ITFG1: variants seen among roughly 807,000 people sequenced by gnomAD.
The protein encoded by ITFG1 is T-cell immunomodulatory protein.
In ITFG1, 34 loss-of-function variants were observed where a neutral mutation model predicts 81.8. The ratio of observed to expected loss-of-function variants is 0.42; its 90% CI spans 0.32 to 0.55. ITFG1 has a LOEUF of 0.55. Ranked by LOEUF, ITFG1 falls within the 20% of genes least tolerant of loss-of-function variation. ITFG1 has a pLI of 0.17. For missense variants in ITFG1, 672 were observed against 755.4 expected (o/e 0.89, Z 1.29); for synonymous variants, 285 against 270.6 (o/e 1.05, Z -0.52).
chr16:47,159,006 G>A lies in ITFG1; in HGVS notation c.1662-16C>T. 3 of 1,303,550 alleles carry A rather than the reference G, an allele frequency of 2.3e-6. No homozygotes were observed. The highest frequency in any genetic ancestry group is 2.5e-5 in the East Asian group (1 of 39,344). The allele number at this position is 1,303,550 out of a possible 1,614,324, so 80.7% of individuals were successfully genotyped here. ...GGCACTCCAACTGTAGATAAAAACA[G>A]AACAAATTAAAATTACAAATTTTAT... On this transcript the variant is annotated splice_polypyrimidine_tract_variant and intron_variant, in intron 16 of 17. Transcript: ENST00000320640.
rs147726556 is a variant in ITFG1 at position 47,452,744 on chromosome 16, T to C, written c.474A>G (p.Pro158=). The change falls in exon 4 of 18, where the codon CCA becomes CCG. Residue 158 remains proline, a synonymous_variant. Transcript: ENST00000320640. ...AAGCCCATACTTACTCCATAATTAGTGGCTCATCTTGAAAAGTCCTATTGA... is the reference window on the plus strand; with the variant it reads ...AAGCCCATACTTACTCCATAATTAGCGGCTCATCTTGAAAAGTCCTATTGA... The part of the protein sequence containing the change: ...TILNRTFQDE[P]LIMDFNGDLI... The C allele has an allele frequency of 3.6e-5, 57 of 1,587,788 alleles. No individual in the cohort carries two copies. The highest frequency in any genetic ancestry group is 4.9e-5 in the Non-Finnish European group (57 of 1,163,094).
intron 6 of ITFG1, among the ~76,000 whole-genome samples, chr16:47,387,809 G>A (rs1968481334): frequency 6.6e-6 from 1 of 151,920 alleles, no homozygotes; most frequent in South Asian, 2.1e-4. Flanking sequence ...GACCCATAAA[G>A]AAACAGGAAA....
chr16:47,402,088 C>A (rs1388107760), intron 6 of ITFG1, among the ~76,000 whole-genome samples: 3 of 152,292 alleles, frequency 2.0e-5, no homozygotes, highest in Admixed American at 6.5e-5. Flanking sequence ...AGGCACATGA[C>A]AACTGTGCAT....
chr16:47,278,484 T>C (rs1485912185), intron 10 of ITFG1, among the ~76,000 whole-genome samples: 1 of 152,132 alleles, frequency 6.6e-6, no homozygotes, highest in Non-Finnish European at 1.5e-5. Context: ...TGGTAGAGCA[T>C]TATGCACAAG....
In ITFG1 at chr16:47,319,302, G is replaced by C. The variant is rs571654890; in HGVS notation, c.803-5479C>G. ...CCAAAATTCAAATTTTTGCTTGAAA[G>C]CTCAAATTTTATCACTGCTACTGAA... On this transcript the variant is annotated intron_variant, in intron 8 of 17. Coordinates refer to ENST00000320640, the MANE Select transcript of ITFG1 (RefSeq NM_030790.5). Among the ~76,000 whole-genome samples the C allele has an allele frequency of 2.6e-4, 40 of 152,276 alleles. 1 individual carries two copies. The South Asian group carries it at 8.3e-3, about 32-fold the overall frequency.
At position 47,351,795 on chromosome 16, in the gene ITFG1, T is replaced by A. The variant is rs1249263311; in HGVS notation, c.802+13993A>T. On this transcript the variant is annotated intron_variant, in intron 8 of 17. Transcript: ENST00000320640. ...AAGAAGAAAGGTGGAGGCATCACGC[T>A]ACCTGACTTCAAACTATACTACAAG... 2.0e-5 allele frequency among the ~76,000 whole-genome samples: 3 copies of A among 152,282 alleles called. No individual in the cohort carries two copies. In the East Asian group the frequency reaches 5.8e-4, roughly 29 times the overall value.
At chr16:47,413,347 G>A (rs1968834375) in intron 6 of ITFG1, among the ~76,000 whole-genome samples, 2 of 152,196 alleles carry the variant, frequency 1.3e-5, no homozygotes, top group South Asian at 4.1e-4. Context: ...CCTTACAAGA[G>A]TTCTTTAAGG....
At chr16:47,369,409 AG>A (rs1204888917) in intron 7 of ITFG1, among the ~76,000 whole-genome samples, 1 of 152,196 alleles carries the variant, frequency 6.6e-6, no homozygotes, top group Non-Finnish European at 1.5e-5. Flanking sequence ...GTCTACTTGC[AG>A]GGTTCTGGAG....
At chr16:47,165,985 C>CT (rs1184764289) in intron 14 of ITFG1, among the ~76,000 whole-genome samples, 1 of 152,170 alleles carries the variant, frequency 6.6e-6, no homozygotes, top group Non-Finnish European at 1.5e-5. Context: ...AAAAGTTAAC[C>CT]TGAAAAAGTA....
chr16:47,448,496 AC>A (rs2151617577), intron 5 of ITFG1: 2 of 152,272 alleles, frequency 1.3e-5, no homozygotes, highest in Admixed American at 1.3e-4. Context: ...TGTGATGTAA[AC>A]AGTGTACGGC....
At chr16:47,271,202 T>A (rs1966335574) in intron 10 of ITFG1, among the ~76,000 whole-genome samples, 1 of 152,054 alleles carries the variant, frequency 6.6e-6, no homozygotes, top group Admixed American at 6.6e-5. Flanking sequence ...GGGAGAAAAT[T>A]TTTGAAATCT....
intron 6 of ITFG1, among the ~76,000 whole-genome samples, chr16:47,413,968 C>T (rs1483650389): frequency 2.0e-5 from 3 of 151,738 alleles, no homozygotes; most frequent in East Asian, 2.0e-4. Context: ...TTACAGGCGC[C>T]TGCCCCCATG....
Position 47,226,380 on chromosome 16 carries a change from T to G in ITFG1, c.1375-7434A>C, listed in dbSNP as rs796160046. 6.6e-4 allele frequency among the ~76,000 whole-genome samples: 101 copies of G among 152,344 alleles called. 1 individual carries two copies. Among genetic ancestry groups the G allele is most frequent in the African/African-American group, 2.3e-3 (96 of 41,566 alleles). ...ATGCGCCACCACACCCGGTTAATTT[T>G]TGTATTTTTATATTAAGTTTTAGGG... On this transcript the variant is annotated intron_variant, in intron 13 of 17. Transcript: ENST00000320640.
chr16:47,235,228 C>T (rs1285135615), intron 13 of ITFG1, among the ~76,000 whole-genome samples: 1 of 152,104 alleles, frequency 6.6e-6, no homozygotes, highest in Admixed American at 6.6e-5. Context: ...TTTTCCCAGG[C>T]AGGTACACTG....
chr16:47,403,767 C>T (rs1411660086), intron 6 of ITFG1, among the ~76,000 whole-genome samples: 1 of 131,090 alleles, frequency 7.6e-6, no homozygotes, highest in Non-Finnish European at 1.7e-5. Flanking sequence ...TTGGTACACA[C>T]ACACACACAC....
At chr16:47,376,452 G>A (rs887727366) in intron 6 of ITFG1, among the ~76,000 whole-genome samples, 9 of 151,898 alleles carry the variant, frequency 5.9e-5, no homozygotes, top group Admixed American at 2.6e-4. Context: ...TCCAGCTAAC[G>A]AATGGTTGTT....
intron 8 of ITFG1, among the ~76,000 whole-genome samples, chr16:47,350,451 C>T (rs1319246360): frequency 1.3e-5 from 2 of 152,188 alleles, no homozygotes; most frequent in Non-Finnish European, 2.9e-5. Flanking sequence ...CACAAATAAA[C>T]TAGAAACTCT....
intron 10 of ITFG1, among the ~76,000 whole-genome samples, chr16:47,305,777 G>A (rs1967148453): frequency 6.6e-6 from 1 of 152,148 alleles, no homozygotes; most frequent in African/African-American, 2.4e-5. Context: ...ACTCAGCCAA[G>A]TTAGCAATTC....
intron 8 of ITFG1, among the ~76,000 whole-genome samples, chr16:47,342,599 C>A (rs1967798949): frequency 6.6e-6 from 1 of 151,950 alleles, no homozygotes; most frequent in Non-Finnish European, 1.5e-5. Flanking sequence ...TTGAGAAAAT[C>A]CCAAAGAATC....
Sources: gnomAD v4.1 joint callset for allele counts (sites outside exome capture counted in the v4.1 genomes callset) on GRCh38, gnomAD v4.1.1 for gene constraint, MANE v1.5 for transcripts, NCBI Gene and HGNC (gene_info 2026-07-23, HGNC 2026-07-21) for gene names.